The following CAMK4 variants were observed in gnomAD, a reference collection of about 807,000 sequenced individuals.
The protein encoded by CAMK4 is calcium/calmodulin-dependent protein kinase type IV.
Under a neutral mutation model 44.9 loss-of-function variants are expected in CAMK4, and 22 were observed. The observed-to-expected ratio is 0.49, with a 90% CI of 0.35 to 0.70. CAMK4 has a LOEUF of 0.70. CAMK4 is among the 30% of genes least tolerant of loss of function. The pLI is 0.01. For missense variants in CAMK4, 498 were observed against 586.8 expected (o/e 0.85, Z 1.56); for synonymous variants, 218 against 215.4 (o/e 1.01, Z -0.11).
chr5:111,407,711 A>G lies in CAMK4; in HGVS notation c.459+12929A>G, dbSNP rs1752487337. ...AATGCTCTGAAAAGCTGAAATCATG[A>G]ACAAGGAATTCTGCCACCCACAATG... On this transcript the variant is annotated intron_variant, in intron 5 of 10. Coordinates refer to ENST00000282356, the MANE Select transcript of CAMK4 (RefSeq NM_001744.6). Among the ~76,000 whole-genome samples the G allele has an allele frequency of 2.6e-5, 4 of 152,254 alleles. No individual in the cohort carries two copies. The South Asian group carries it at 8.3e-4, about 32-fold the overall frequency.
intron 1 of CAMK4, among the ~76,000 whole-genome samples, chr5:111,314,479 T>C (rs1205135527): frequency 6.6e-6 from 1 of 152,078 alleles, no homozygotes; most frequent in African/African-American, 2.4e-5. Flanking sequence ...ATTTCAAAAG[T>C]TTGCTTAATT....
intron 4 of CAMK4, among the ~76,000 whole-genome samples, chr5:111,380,204 C>T (rs1237965114): frequency 6.6e-6 from 1 of 152,008 alleles, no homozygotes; most frequent in Non-Finnish European, 1.5e-5. Flanking sequence ...TCCTTACTGT[C>T]TTCTAATTAA....
chr5:111,248,779 A>C (rs959545777), intron 1 of CAMK4, among the ~76,000 whole-genome samples: 2 of 152,122 alleles, frequency 1.3e-5, no homozygotes, highest in African/African-American at 4.8e-5. Context: ...TATGGTCTAG[A>C]GTCTAGATGT....
intron 1 of CAMK4, among the ~76,000 whole-genome samples, chr5:111,284,580 C>G (rs1019216043): frequency 6.6e-6 from 1 of 152,194 alleles, no homozygotes; most frequent in Admixed American, 6.5e-5. Flanking sequence ...CTCTACCTCC[C>G]CACCTCCCTC....
At chr5:111,251,515 T>C (rs1030433604) in intron 1 of CAMK4, among the ~76,000 whole-genome samples, 1 of 152,204 alleles carries the variant, frequency 6.6e-6, no homozygotes, top group Non-Finnish European at 1.5e-5. Flanking sequence ...GTTCACTGCA[T>C]CACAAAGCTG....
At chr5:111,399,749 A>G (rs931882199) in intron 5 of CAMK4, among the ~76,000 whole-genome samples, 1 of 152,140 alleles carries the variant, frequency 6.6e-6, no homozygotes, top group Non-Finnish European at 1.5e-5. Context: ...TTATTTCCTT[A>G]CTACTGTTTC....
chr5:111,473,410 A>G (rs769607894), intron 8 of CAMK4, 24 bp downstream of exon 8: 8 of 1,414,468 alleles, frequency 5.7e-6, no homozygotes, highest in South Asian at 4.7e-5. Context: ...AGCAATATTT[A>G]TGTAAACTAT....
intron 2 of CAMK4, among the ~76,000 whole-genome samples, chr5:111,358,507 A>C (rs142360353): frequency 6.6e-6 from 1 of 151,804 alleles, no homozygotes; most frequent in Non-Finnish European, 1.5e-5. Context: ...AACACATTAG[A>C]TGGATGTTTT....
At chr5:111,442,631 G>A (rs1482998832) in intron 5 of CAMK4, among the ~76,000 whole-genome samples, 3 of 149,864 alleles carry the variant, frequency 2.0e-5, no homozygotes, top group Non-Finnish European at 3.0e-5. Flanking sequence ...AAATATGAAA[G>A]TCTAGCTGTT....
intron 1 of CAMK4, among the ~76,000 whole-genome samples, chr5:111,258,740 C>CGTGTGTGTGTGTGTGT (rs201959904): frequency 1.4e-5 from 2 of 139,236 alleles, no homozygotes; most frequent in African/African-American, 5.3e-5. Flanking sequence ...GAGTTATCAG[C>CGTGTGTGTGTGTGTGT]GTGTGTGTGT....
intron 5 of CAMK4, among the ~76,000 whole-genome samples, chr5:111,443,225 T>G (rs868753749): frequency 9.2e-6 from 1 of 108,464 alleles, no homozygotes; most frequent in Non-Finnish European, 1.9e-5. Context: ...TCAGATATAT[T>G]TAAATGCCTC....
rs114676583 is a variant in CAMK4 at position 111,246,767 on chromosome 5, A to G, written c.161+22123A>G. Among the ~76,000 whole-genome samples, 183 of 152,308 alleles carry G rather than the reference A, an allele frequency of 1.2e-3. 1 individual carries two copies. The highest frequency in any genetic ancestry group is 4.2e-3 in the African/African-American group (174 of 41,560). On this transcript the variant is annotated intron_variant, in intron 1 of 10. Coordinates refer to ENST00000282356, the MANE Select transcript of CAMK4 (RefSeq NM_001744.6). ...TTACCACCACACCTAAACAAACCAG[A>G]GACAGCAGGGATGAGGTTACAATTG...
chr5:111,321,059 A>G (rs77772122), intron 1 of CAMK4, among the ~76,000 whole-genome samples: 1 of 152,168 alleles, frequency 6.6e-6, no homozygotes, highest in Non-Finnish European at 1.5e-5. Flanking sequence ...AGCTCTAATA[A>G]TTGATAATCC....
chr5:111,300,231 G>A (rs943449959), intron 1 of CAMK4, among the ~76,000 whole-genome samples: 2 of 152,172 alleles, frequency 1.3e-5, no homozygotes, highest in Non-Finnish European at 2.9e-5. Context: ...GCTGTGAAAC[G>A]AGACAGAATT....
chr5:111,292,409 G>A lies in CAMK4; in HGVS notation c.162-51615G>A, dbSNP rs576620365. Reference sequence around the variant, plus strand: ...TGTGTTTGTGTGTGTATATGTATGTGTATATGTATGTGCATATATATGTGT... The same window carrying A: ...TGTGTTTGTGTGTGTATATGTATGTATATATGTATGTGCATATATATGTGT... On this transcript the variant is annotated intron_variant, in intron 1 of 10. Transcript: ENST00000282356. 5.3e-5 allele frequency among the ~76,000 whole-genome samples: 8 copies of A among 152,136 alleles called. No homozygotes were observed. The South Asian group carries it at 1.2e-3, about 24-fold the overall frequency.
chr5:111,445,147 A>G (rs983194877), intron 5 of CAMK4, among the ~76,000 whole-genome samples: 1 of 152,212 alleles, frequency 6.6e-6, no homozygotes, highest in Non-Finnish European at 1.5e-5. Flanking sequence ...CAAGTGCTGG[A>G]ATGTTTATAT....
intron 7 of CAMK4, among the ~76,000 whole-genome samples, chr5:111,469,890 T>A (rs1755002048): frequency 6.6e-6 from 1 of 152,160 alleles, no homozygotes. Context: ...CATTTACAGT[T>A]TAGAGGTAAA....
chr5:111,355,023 C>T (rs1256404889), intron 2 of CAMK4, among the ~76,000 whole-genome samples: 1 of 152,060 alleles, frequency 6.6e-6, no homozygotes, highest in East Asian at 1.9e-4. Context: ...TGCTATTGGC[C>T]ACTTTTAACT....
chr5:111,371,596 G>A (rs1183602054), intron 2 of CAMK4, among the ~76,000 whole-genome samples: 3 of 152,086 alleles, frequency 2.0e-5, no homozygotes, highest in Admixed American at 6.6e-5. Flanking sequence ...CATCCTTACT[G>A]TGTACTGTGC....
Sources: gnomAD v4.1 joint callset for allele counts (sites outside exome capture counted in the v4.1 genomes callset) on GRCh38, gnomAD v4.1.1 for gene constraint, MANE v1.5 for transcripts, NCBI Gene and HGNC (gene_info 2026-07-23, HGNC 2026-07-21) for gene names.